The following PRRG1 variants were observed in gnomAD, a reference collection of about 807,000 sequenced individuals.
PRRG1 encodes proline rich and Gla domain 1.
Under a neutral mutation model 11.8 loss-of-function variants are expected in PRRG1, and 5 were observed. The ratio of observed to expected loss-of-function variants is 0.42; its 90% confidence interval spans 0.22 to 0.89. PRRG1 has a LOEUF of 0.89. Among genes scored for constraint, PRRG1 ranks in the 40% least tolerant of loss-of-function variants. The pLI, the probability that PRRG1 is intolerant of heterozygous loss-of-function variation, is 0.28. For missense variants in PRRG1, 155 were observed against 166.1 expected (o/e 0.93, Z 0.37); for synonymous variants, 66 against 60.4 (o/e 1.09, Z -0.43).
At chrX:37,393,962 C>T (rs983915248) in intron 1 of PRRG1, among the ~76,000 whole-genome samples, 14 of 111,540 alleles carry the variant, frequency 1.3e-4, no homozygotes, top group African/African-American at 4.6e-4. Context: ...GAAAAGTCAT[C>T]GAGTTTTAAT....
chrX:37,441,482 A>T (rs1180681231), intron 3 of PRRG1: 1 of 754,966 alleles, frequency 1.3e-6, no homozygotes, highest in South Asian at 6.7e-5. Flanking sequence ...CTACTACCAC[A>T]GCTCCCGCCT....
intron 1 of PRRG1, among the ~76,000 whole-genome samples, chrX:37,404,649 C>T (rs782487236): frequency 9.0e-6 from 1 of 111,068 alleles, no homozygotes; most frequent in Non-Finnish European, 1.9e-5. Flanking sequence ...GACTACAACC[C>T]TCCACCCCAA....
chrX:37,350,036 C>A, intron 1 of PRRG1, among the ~76,000 whole-genome samples: 1 of 47,454 alleles, frequency 2.1e-5, no homozygotes, highest in Middle Eastern at 0.013. Context: ...CGGTGCGGCC[C>A]TGGGGGATGG....
chrX:37,444,398 G>T (rs1933037162), intron 3 of PRRG1, among the ~76,000 whole-genome samples: 1 of 112,105 alleles, frequency 8.9e-6, no homozygotes. Flanking sequence ...GATTGCCTGG[G>T]TTCAAATCCC....
At chrX:37,425,230 A>G (rs1296530651) in intron 2 of PRRG1, among the ~76,000 whole-genome samples, 3 of 111,613 alleles carry the variant, frequency 2.7e-5, no homozygotes, top group Admixed American at 9.6e-5. Context: ...TTCTTTTTCT[A>G]AAGGACAGTG....
chrX:37,427,096 T>C (rs1421044764), intron 3 of PRRG1, among the ~76,000 whole-genome samples: 1 of 111,584 alleles, frequency 9.0e-6, no homozygotes, highest in Admixed American at 9.6e-5. Context: ...AAACAAAACG[T>C]GGTTTTTGAT....
At position 37,455,980 on chromosome X, in the gene PRRG1, A is replaced by G. The variant is rs183672082; in HGVS notation, c.*2359A>G. 5 of 112,111 alleles carry G rather than the reference A, an allele frequency of 4.5e-5. No homozygotes were observed. The highest frequency in any genetic ancestry group is 3.8e-4 in the Admixed American group (4 of 10,581). 9.2% of individuals were successfully genotyped at this position (112,111 alleles called of 1,213,427 possible). ...AATATTTTTATTATAATGTGAAGAC[A>G]TTGTCTTTTCACTCTATCTCAAAAA... On this transcript the variant is annotated 3_prime_UTR_variant, in exon 4 of 4. Coordinates refer to ENST00000378628, the MANE Select transcript of PRRG1 (RefSeq NM_001142395.2).
intron 1 of PRRG1, among the ~76,000 whole-genome samples, chrX:37,373,097 A>G (rs1930822107): frequency 8.9e-6 from 1 of 111,781 alleles, no homozygotes; most frequent in Non-Finnish European, 1.9e-5. Flanking sequence ...TGAAAAATCA[A>G]TTGACCATTA....
chrX:37,431,393 A>G (rs1488754483), intron 3 of PRRG1, among the ~76,000 whole-genome samples: 1 of 112,035 alleles, frequency 8.9e-6, no homozygotes, highest in Non-Finnish European at 1.9e-5. Context: ...TTCTTTACAT[A>G]CTCATGAGCA....
intron 3 of PRRG1, chrX:37,441,442 C>T (rs939166652): frequency 2.3e-5 from 17 of 753,267 alleles, no homozygotes; most frequent in East Asian, 1.5e-4. Context: ...CGGCCCTTTC[C>T]GCCATTAGCC....
chrX:37,358,538 G>A lies in PRRG1; in HGVS notation c.-42+9143G>A, dbSNP rs782269895. 4.5e-5 allele frequency among the ~76,000 whole-genome samples: 5 copies of A among 111,014 alleles called. 1 individual carries two copies. The Admixed American group carries it at 4.8e-4, about 11-fold the overall frequency. ...GCTCCTTTGTCAAAGATCAGTTGAC[G>A]ATATGGATATACCTCTCTATTCTGT... is the stretch of plus-strand genomic sequence containing the variant. On this transcript the variant is annotated intron_variant, in intron 1 of 3. Transcript: ENST00000378628.
intron 1 of PRRG1, among the ~76,000 whole-genome samples, chrX:37,400,001 A>T (rs1463832729): frequency 1.8e-5 from 2 of 111,528 alleles, no homozygotes; most frequent in East Asian, 5.6e-4. Context: ...AGTGACCTAC[A>T]AAGAGACTTA....
intron 3 of PRRG1, among the ~76,000 whole-genome samples, chrX:37,430,605 A>G (rs781842058): frequency 9.0e-6 from 1 of 111,638 alleles, no homozygotes; most frequent in Non-Finnish European, 1.9e-5. Flanking sequence ...ATATTCATTC[A>G]TGCATGCATG....
At chrX:37,373,236 G>A (rs1930827197) in intron 1 of PRRG1, among the ~76,000 whole-genome samples, 1 of 111,993 alleles carries the variant, frequency 8.9e-6, no homozygotes, top group African/African-American at 3.2e-5. Context: ...ACTGTAATGT[G>A]TCAAGCTTTT....
intron 1 of PRRG1, among the ~76,000 whole-genome samples, chrX:37,400,769 C>G (rs1264331155): frequency 9.0e-6 from 1 of 111,342 alleles, no homozygotes; most frequent in Non-Finnish European, 1.9e-5. Flanking sequence ...AGAGAAGAAT[C>G]AAATAGACAC....
chrX:37,456,286 A>G lies in PRRG1; in HGVS notation c.*2665A>G, dbSNP rs1921356679. 8.9e-6 allele frequency: 1 copy of G among 112,158 alleles called. No individual in the cohort carries two copies. Among genetic ancestry groups the G allele is most frequent in the Non-Finnish European group, 1.9e-5 (1 of 53,216 alleles). The allele number at this position is 112,158 out of a possible 1,213,427, so 9.2% of individuals were successfully genotyped here. A position where few individuals can be genotyped will look rare whatever the true frequency, so the allele number is the denominator to read the frequency against. On this transcript the variant is annotated 3_prime_UTR_variant, in exon 4 of 4. Coordinates refer to ENST00000378628, the MANE Select transcript of PRRG1 (RefSeq NM_001142395.2). Reference sequence around the variant, plus strand: ...AGACCAAAAGTTTTAGAGCTACAGGATTAGACATAGGAGCAGGATATTCTG... The same window carrying G: ...AGACCAAAAGTTTTAGAGCTACAGGGTTAGACATAGGAGCAGGATATTCTG...
intron 3 of PRRG1, among the ~76,000 whole-genome samples, chrX:37,430,488 C>T (rs1163779933): frequency 9.0e-6 from 1 of 111,547 alleles, no homozygotes; most frequent in African/African-American, 3.3e-5. Flanking sequence ...ATGAGAATTC[C>T]AGCACCCAAA....
chrX:37,370,578 C>T (rs945672508), intron 1 of PRRG1, among the ~76,000 whole-genome samples: 41 of 111,607 alleles, frequency 3.7e-4, no homozygotes, highest in African/African-American at 1.3e-3. Flanking sequence ...TGGAGCCCTA[C>T]CCTCCTGGGT....
intron 1 of PRRG1, among the ~76,000 whole-genome samples, chrX:37,392,657 C>CAAA (rs11296949): frequency 3.9e-5 from 2 of 50,835 alleles, no homozygotes; most frequent in African/African-American, 1.1e-4. Flanking sequence ...GACTCTGTCT[C>CAAA]AAAAAAAAAA....
Sources: allele counts gnomAD v4.1 joint callset (sites outside exome capture counted in the v4.1 genomes callset), GRCh38; gene constraint gnomAD v4.1.1; transcripts MANE v1.5; gene names NCBI Gene and HGNC (gene_info 2026-07-23, HGNC 2026-07-21).